Variants in XPO4 observed in about 807,000 individuals in gnomAD.
XPO4 encodes exportin-4.
A neutral mutation model predicts 143.0 loss-of-function variants in XPO4; 39 were observed. The ratio of observed to expected loss-of-function variants is 0.27; its 90% CI spans 0.21 to 0.36. The LOEUF (loss-of-function observed/expected upper bound fraction) is 0.36, where lower values mean the gene tolerates loss of function less well. Ranked by LOEUF, XPO4 falls within the 10% of genes least tolerant of loss-of-function variation. The pLI, the probability that XPO4 is intolerant of heterozygous loss-of-function variation, is 1.00. For synonymous variants in XPO4, 439 were observed against 474.0 expected (o/e 0.93, Z 0.96); for missense variants, 907 against 1,348.0 (o/e 0.67, Z 5.12).
In XPO4 at chr13:20,781,803, G is replaced by A. The variant is rs1324353390; in HGVS notation, c.*1919C>T. 1 of 152,050 alleles carries A rather than the reference G, an allele frequency of 6.6e-6. No homozygotes were observed. The highest frequency in any genetic ancestry group is 1.5e-5 in the Non-Finnish European group (1 of 68,010). The allele number at this position is 152,050 out of a possible 1,614,324, so 9.4% of individuals were successfully genotyped here. On this transcript the variant is annotated 3_prime_UTR_variant, in exon 23 of 23. Transcript: ENST00000255305. The stretch of plus-strand genomic sequence containing the variant: ...CACATAATTCACAACAGCTGAGAAA[G>A]CTTGAGGGATCTGGGAAACACAAAA...
chr13:20,830,262 A>G (rs2059836564), intron 6 of XPO4, among the ~76,000 whole-genome samples: 1 of 152,136 alleles, frequency 6.6e-6, no homozygotes, highest in Admixed American at 6.5e-5. Context: ...TTAGTATGTA[A>G]TATCTATCAG....
chr13:20,899,209 CT>C (rs1287860023), intron 1 of XPO4, among the ~76,000 whole-genome samples: 2 of 152,170 alleles, frequency 1.3e-5, no homozygotes, highest in East Asian at 3.9e-4. Context: ...AACTGTACTA[CT>C]TTATCTGGCA....
At chr13:20,799,026 A>G (rs2059396803) in intron 16 of XPO4, 139 bp downstream of exon 16, 4 of 946,830 alleles carry the variant, frequency 4.2e-6, no homozygotes, top group Non-Finnish European at 6.0e-6. Flanking sequence ...ATCTCAGAAA[A>G]AAAAAAAAAA....
chr13:20,890,013 G>A (rs1020954112), intron 1 of XPO4, among the ~76,000 whole-genome samples: 3 of 152,182 alleles, frequency 2.0e-5, no homozygotes, highest in Non-Finnish European at 4.4e-5. Flanking sequence ...GCTGATGCTA[G>A]AGCAAGAAAA....
At chr13:20,833,903 G>A (rs899978690) in intron 6 of XPO4, among the ~76,000 whole-genome samples, 14 of 152,218 alleles carry the variant, frequency 9.2e-5, no homozygotes, top group African/African-American at 2.9e-4. Context: ...AGACCGCCCC[G>A]GACCCCAGCG....
intron 3 of XPO4, chr13:20,859,944 A>AG (rs2060181174): frequency 1.4e-6 from 1 of 692,320 alleles, no homozygotes; most frequent in Non-Finnish European, 1.8e-6. Flanking sequence ...AATGGCGACA[A>AG]GGGGGAGAAA....
chr13:20,788,606 A>T lies in XPO4; in HGVS notation c.2927T>A (p.Leu976His). Residue 976 changes from leucine to histidine, a missense_variant, in exon 20 of 23, where the codon CTT becomes CAT. Transcript: ENST00000255305. ...MSQDLLKFPT[L>H]CNQYYKLITF... ...GATTAATTTGTAGTACTGATTACAA[A>T]GGGTTGGAAACTGAAAAAGAAATAT... 1 of 1,597,172 alleles carries T rather than the reference A, an allele frequency of 6.3e-7. No individual in the cohort carries two copies. Among genetic ancestry groups the T allele is most frequent in the South Asian group, 1.2e-5 (1 of 86,774 alleles).
intron 22 of XPO4, among the ~76,000 whole-genome samples, chr13:20,785,952 GAT>G (rs1487329686): frequency 1.4e-5 from 2 of 139,904 alleles, no homozygotes; most frequent in Non-Finnish European, 3.1e-5. Flanking sequence ...GAAAGAAAAA[GAT>G]AGAAAAAAGA....
chr13:20,822,069 C>A (rs1475811285), intron 8 of XPO4, 63 bp downstream of exon 8: 24 of 1,515,856 alleles, frequency 1.6e-5, no homozygotes, highest in Non-Finnish European at 2.6e-6. Flanking sequence ...TTCTTTTTTT[C>A]TTCTACTGTT....
At chr13:20,798,009 T>C (rs1375305595) in intron 16 of XPO4, among the ~76,000 whole-genome samples, 4 of 152,016 alleles carry the variant, frequency 2.6e-5, no homozygotes, top group African/African-American at 9.7e-5. Context: ...CCAGGCATGG[T>C]GGTGCGCACC....
At chr13:20,887,336 GTTAA>G (rs1290921639) in intron 1 of XPO4, among the ~76,000 whole-genome samples, 1 of 152,094 alleles carries the variant, frequency 6.6e-6, no homozygotes, top group African/African-American at 2.4e-5. Flanking sequence ...TGATGGATAT[GTTAA>G]TTAACTTGAC....
Position 20,902,056 on chromosome 13 carries a change from G to A in XPO4, c.69+614C>T, listed in dbSNP as rs918105468. 7.1e-6 allele frequency: 7 copies of A among 983,968 alleles called. No homozygotes were observed. In the African/African-American group the frequency reaches 8.7e-5, roughly 12 times the overall value. The allele number at this position is 983,968 out of a possible 1,614,324, so 61.0% of individuals were successfully genotyped here. A position where few individuals can be genotyped will look rare whatever the true frequency, so the allele number is the denominator to read the frequency against. On this transcript the variant is annotated intron_variant, in intron 1 of 22. Transcript: ENST00000255305. ...ATAGACTCAGTTCTCCAAATCGCGG[G>A]AGCTTTAAGGAGCTTAGCACTAGAC...
chr13:20,823,115 T>C (rs1351181185), intron 7 of XPO4, among the ~76,000 whole-genome samples: 2 of 152,206 alleles, frequency 1.3e-5, no homozygotes, highest in Non-Finnish European at 2.9e-5. Flanking sequence ...TCATTATTAA[T>C]CTTAATCCAT....
At chr13:20,804,716 T>C (rs2059481916) in intron 13 of XPO4, among the ~76,000 whole-genome samples, 1 of 149,332 alleles carries the variant, frequency 6.7e-6, no homozygotes, top group South Asian at 2.1e-4. Context: ...TAAAGCACTA[T>C]ATCTACAAAT....
chr13:20,816,369 T>C (rs533457165), intron 9 of XPO4, among the ~76,000 whole-genome samples: 1 of 152,322 alleles, frequency 6.6e-6, no homozygotes, highest in Admixed American at 6.5e-5. Context: ...TCATGAACTC[T>C]CCACTTAAAA....
At chr13:20,897,118 G>A (rs1469188786) in intron 1 of XPO4, among the ~76,000 whole-genome samples, 2 of 151,950 alleles carry the variant, frequency 1.3e-5, no homozygotes, top group Non-Finnish European at 2.9e-5. Context: ...TGCCACCGCA[G>A]GTACTACAAG....
chr13:20,835,500 G>A (rs1327855635), intron 6 of XPO4, among the ~76,000 whole-genome samples: 1 of 152,086 alleles, frequency 6.6e-6, no homozygotes, highest in African/African-American at 2.4e-5. Context: ...CCTCAACCAC[G>A]CCCTGGGCTA....
At chr13:20,786,274 T>C (rs2059204200) in intron 22 of XPO4, among the ~76,000 whole-genome samples, 1 of 147,716 alleles carries the variant, frequency 6.8e-6, no homozygotes, top group South Asian at 2.2e-4. Context: ...TTCTTGGCCA[T>C]GCTGGGAGGT....
intron 3 of XPO4, 110 bp downstream of exon 3, chr13:20,862,607 T>G: frequency 7.4e-7 from 1 of 1,355,392 alleles, no homozygotes; most frequent in Non-Finnish European, 1.0e-6. Context: ...ATTATAGGTG[T>G]GAGCCACTAT....
Sources: gnomAD v4.1 joint callset for allele counts (sites outside exome capture counted in the v4.1 genomes callset) on GRCh38, gnomAD v4.1.1 for gene constraint, MANE v1.5 for transcripts, NCBI Gene and HGNC (gene_info 2026-07-23, HGNC 2026-07-21) for gene names.